Variants in RNF216 observed in about 807,000 individuals in gnomAD.
RNF216 encodes E3 ubiquitin-protein ligase RNF216.
Under a neutral mutation model 110.8 loss-of-function variants are expected in RNF216, and 72 were observed. The ratio of observed to expected loss-of-function variants is 0.65; its 90% CI spans 0.54 to 0.79. The LOEUF (loss-of-function observed/expected upper bound fraction) is 0.79. Ranked by LOEUF, RNF216 falls within the 30% of genes least tolerant of loss-of-function variation. RNF216 has a pLI of 0.00. For synonymous variants in RNF216, 495 were observed against 407.5 expected (o/e 1.21, Z -2.59); for missense variants, 1,342 against 1,141.2 (o/e 1.18, Z -2.54).
chr7:5,647,328 C>CTTTTT (rs10617479), intron 14 of RNF216, among the ~76,000 whole-genome samples: 29 of 94,796 alleles, frequency 3.1e-4, no homozygotes, highest in Admixed American at 4.8e-4. Flanking sequence ...TTCTTTCTTT[C>CTTTTT]TTTTTTTTTT....
intron 1 of RNF216, among the ~76,000 whole-genome samples, chr7:5,763,940 G>A (rs547946861): frequency 3.9e-5 from 6 of 152,268 alleles, no homozygotes; most frequent in African/African-American, 9.6e-5. Flanking sequence ...TGTAATCTAA[G>A]CACCTTGGGA....
At chr7:5,695,921 G>C (rs1455632856) in intron 13 of RNF216, among the ~76,000 whole-genome samples, 1 of 152,214 alleles carries the variant, frequency 6.6e-6, no homozygotes, top group African/African-American at 2.4e-5. Context: ...AGGTGCCACA[G>C]AAAACATGTT....
chr7:5,641,406 G>A, intron 14 of RNF216, 30 bp from the exon 15 acceptor site: 2 of 1,583,872 alleles, frequency 1.3e-6, no homozygotes, highest in Non-Finnish European at 1.7e-6. Flanking sequence ...TTTGGAGCTG[G>A]GAGGGAAGAT....
At chr7:5,697,224 C>T (rs1211062295) in intron 13 of RNF216, among the ~76,000 whole-genome samples, 1 of 152,226 alleles carries the variant, frequency 6.6e-6, no homozygotes, top group African/African-American at 2.4e-5. Context: ...CCTGGTCAGG[C>T]CCAGACCCAT....
At chr7:5,745,882 T>C (rs1795004859) in intron 3 of RNF216, among the ~76,000 whole-genome samples, 1 of 114,962 alleles carries the variant, frequency 8.7e-6, no homozygotes, top group African/African-American at 3.5e-5. Flanking sequence ...GGTGATAGAT[T>C]GAGACTGTCT....
chr7:5,626,274 C>A (rs1786695940), intron 15 of RNF216, among the ~76,000 whole-genome samples: 1 of 152,138 alleles, frequency 6.6e-6, no homozygotes, highest in South Asian at 2.1e-4. Context: ...ACATGAAGGA[C>A]TGCAGTAACT....
At chr7:5,675,345 G>A (rs1377119757) in intron 13 of RNF216, among the ~76,000 whole-genome samples, 2 of 152,162 alleles carry the variant, frequency 1.3e-5, no homozygotes, top group Non-Finnish European at 2.9e-5. Context: ...GACAGGGGAG[G>A]TGTGACTTTG....
chr7:5,733,350 T>C (rs936640241), intron 5 of RNF216, among the ~76,000 whole-genome samples: 25 of 152,138 alleles, frequency 1.6e-4, no homozygotes, highest in African/African-American at 6.0e-4. Context: ...TCCCTAAAAA[T>C]AAGTACACGT....
At chr7:5,659,084 C>T (rs578061464) in intron 13 of RNF216, among the ~76,000 whole-genome samples, 1 of 152,078 alleles carries the variant, frequency 6.6e-6, no homozygotes, top group Non-Finnish European at 1.5e-5. Context: ...AGGACACTAG[C>T]GAGATTGGTG....
At position 5,775,506 on chromosome 7, in the gene RNF216, G is replaced by A. The variant is rs139763069; in HGVS notation, c.-70+6035C>T. ...TCCTGTAAATATGCCTGCCACTTCT[G>A]CAACAGATTTGGGGGTCACTAAAGA... is the stretch of plus-strand genomic sequence containing the variant. On this transcript the variant is annotated intron_variant, in intron 1 of 16. Transcript: ENST00000389902. 1.4e-4 allele frequency among the ~76,000 whole-genome samples: 21 copies of A among 152,138 alleles called. No homozygotes were observed. In the East Asian group the frequency reaches 4.0e-3, roughly 29 times the overall value.
At chr7:5,749,398 G>A (rs1380394160) in intron 3 of RNF216, among the ~76,000 whole-genome samples, 2 of 152,052 alleles carry the variant, frequency 1.3e-5, no homozygotes, top group East Asian at 1.9e-4. Flanking sequence ...TAATCCACTC[G>A]CCTCGGCCTC....
intron 2 of RNF216, among the ~76,000 whole-genome samples, chr7:5,760,148 C>T (rs7794518): frequency 6.6e-6 from 1 of 152,138 alleles, no homozygotes; most frequent in Non-Finnish European, 1.5e-5. Context: ...GGAAATTTCA[C>T]AAACATGTAA....
At position 5,741,482 on chromosome 7, in the gene RNF216, T is replaced by C. The variant is rs1469461329; in HGVS notation, c.535A>G (p.Ile179Val). Reference sequence around the variant, plus strand: ...AGAAGGCTACCTTCTTCCAAGATGATGACTTTCTGCTCTGATCTGGGGTTG... The same window carrying C: ...AGAAGGCTACCTTCTTCCAAGATGACGACTTTCTGCTCTGATCTGGGGTTG... ...IVNPRSEQKV[I>V]ILEEGSLLYT... The change falls in exon 4 of 17, where the codon ATC becomes GTC. Residue 179 changes from isoleucine to valine, a missense_variant. Transcript: ENST00000389902. 3 of 1,614,088 alleles carry C rather than the reference T, an allele frequency of 1.9e-6. No homozygotes were observed. The highest frequency in any genetic ancestry group is 1.3e-5 in the African/African-American group (1 of 74,934).
At chr7:5,660,252 C>A (rs796998349) in intron 13 of RNF216, among the ~76,000 whole-genome samples, 59 of 132,466 alleles carry the variant, frequency 4.5e-4, no homozygotes, top group African/African-American at 1.5e-3. Context: ...AGAGCCCGGC[C>A]CTGTTTTAAA....
chr7:5,772,463 G>C (rs1039796674), intron 1 of RNF216, among the ~76,000 whole-genome samples: 2 of 152,138 alleles, frequency 1.3e-5, no homozygotes, highest in African/African-American at 2.4e-5. Flanking sequence ...CTGGAGTGCA[G>C]TGGTGCGATC....
At chr7:5,702,750 A>G (rs561318193) in intron 13 of RNF216, among the ~76,000 whole-genome samples, 1 of 152,370 alleles carries the variant, frequency 6.6e-6, no homozygotes, top group South Asian at 2.1e-4. Context: ...GAAATTTTAA[A>G]AAGTGAAAAC....
chr7:5,727,923 A>G (rs1793858938), intron 7 of RNF216, among the ~76,000 whole-genome samples: 3 of 151,522 alleles, frequency 2.0e-5, no homozygotes, highest in Admixed American at 2.0e-4. Context: ...AAGTCCTATC[A>G]CCATAAAACC....
intron 9 of RNF216, among the ~76,000 whole-genome samples, chr7:5,720,769 G>A (rs1024097984): frequency 6.6e-6 from 1 of 152,172 alleles, no homozygotes; most frequent in Non-Finnish European, 1.5e-5. Context: ...ATTAAAGAGC[G>A]AAATGGAACC....
intron 13 of RNF216, among the ~76,000 whole-genome samples, chr7:5,676,023 T>C (rs1312828226): frequency 9.6e-6 from 1 of 103,644 alleles, no homozygotes; most frequent in East Asian, 2.3e-4. Context: ...TCTTTTTTCT[T>C]TTTTTTTTTG....
Sources: allele counts gnomAD v4.1 joint callset (sites outside exome capture counted in the v4.1 genomes callset), GRCh38; gene constraint gnomAD v4.1.1; transcripts MANE v1.5; gene names NCBI Gene and HGNC (gene_info 2026-07-23, HGNC 2026-07-21).